Variants in L3MBTL4 observed in about 807,000 individuals in gnomAD.
L3MBTL4 encodes lethal(3)malignant brain tumor-like protein 4.
L3MBTL4 carries 70 observed loss-of-function variants against 84.5 expected under a neutral mutation model. The observed-to-expected ratio is 0.83, with a 90% CI of 0.68 to 1.01. The LOEUF is 1.01. Ranked by LOEUF, L3MBTL4 falls within the 50% of genes least tolerant of loss-of-function variation. L3MBTL4 has a pLI of 0.00. For missense variants in L3MBTL4, 715 were observed against 754.8 expected, an observed-to-expected ratio of 0.95 and a Z score of 0.62; for synonymous variants, 274 against 259.8, an observed-to-expected ratio of 1.05 and a Z score of -0.52.
At chr18:6,038,972 A>T in intron 16 of L3MBTL4, among the ~76,000 whole-genome samples, 1 of 151,886 alleles carries the variant, frequency 6.6e-6, no homozygotes, top group East Asian at 1.9e-4. Flanking sequence ...ATAAGAAAAG[A>T]CACCAGAGAG....
Position 6,090,682 on chromosome 18 carries a change from C to T in L3MBTL4, c.1373+2673G>A, listed in dbSNP as rs527964115. Reference sequence around the variant, plus strand: ...TCACTCTGTCACCTAAGCTAGAATGCAATGGTGTGATAGCTCACTGCAGCC... The same window carrying T: ...TCACTCTGTCACCTAAGCTAGAATGTAATGGTGTGATAGCTCACTGCAGCC... On this transcript the variant is annotated intron_variant, in intron 15 of 18. Coordinates refer to ENST00000317931, the MANE Select transcript of L3MBTL4 (RefSeq NM_001330559.2). 2.7e-5 allele frequency among the ~76,000 whole-genome samples: 4 copies of T among 149,754 alleles called. No homozygotes were observed. In the South Asian group the frequency reaches 8.4e-4, roughly 32 times the overall value.
chr18:6,152,590 A>C (rs1472929677), intron 13 of L3MBTL4, among the ~76,000 whole-genome samples: 2 of 152,060 alleles, frequency 1.3e-5, no homozygotes, highest in Admixed American at 6.6e-5. Context: ...TTAATTATTT[A>C]ATCAGATTTT....
intron 16 of L3MBTL4, among the ~76,000 whole-genome samples, chr18:5,970,023 G>T (rs2052561789): frequency 1.3e-5 from 2 of 152,184 alleles, no homozygotes; most frequent in Non-Finnish European, 2.9e-5. Flanking sequence ...AAGACAGAAT[G>T]AGCCTCAGTC....
At chr18:6,252,783 G>A (rs562333514) in intron 5 of L3MBTL4, among the ~76,000 whole-genome samples, 10 of 152,358 alleles carry the variant, frequency 6.6e-5, no homozygotes, top group African/African-American at 2.4e-4. Flanking sequence ...TAGCAGCGGT[G>A]TGGGAAACTG....
At chr18:6,185,634 G>A (rs1284785909) in intron 12 of L3MBTL4, among the ~76,000 whole-genome samples, 1 of 152,148 alleles carries the variant, frequency 6.6e-6, no homozygotes, top group Non-Finnish European at 1.5e-5. Context: ...AAGTCTGTAT[G>A]ATGTGCCTGC....
At chr18:6,286,314 A>G (rs1434095522) in intron 4 of L3MBTL4, among the ~76,000 whole-genome samples, 1 of 151,612 alleles carries the variant, frequency 6.6e-6, no homozygotes, top group Non-Finnish European at 1.5e-5. Context: ...AAATACAAGA[A>G]TTAGCTGGGC....
At chr18:6,329,217 G>A (rs1166469089) in intron 1 of L3MBTL4, among the ~76,000 whole-genome samples, 2 of 146,480 alleles carry the variant, frequency 1.4e-5, no homozygotes, top group African/African-American at 2.5e-5. Context: ...GCAGTGGTGC[G>A]ATCTCGGCTC....
intron 15 of L3MBTL4, among the ~76,000 whole-genome samples, chr18:6,083,038 C>A (rs771698338): frequency 6.6e-6 from 1 of 152,170 alleles, no homozygotes; most frequent in Non-Finnish European, 1.5e-5. Flanking sequence ...CAACCTGCCC[C>A]ATCTTGGGCA....
chr18:5,962,890 GGGATGTTTAACGGTATCCCT>G (rs919218926), intron 17 of L3MBTL4, among the ~76,000 whole-genome samples: 2 of 152,148 alleles, frequency 1.3e-5, no homozygotes, highest in African/African-American at 4.8e-5. Context: ...TGGGTGGGGT[GGGATGTTTAACGGTATCCCT>G]GCCCTCTACT....
intron 8 of L3MBTL4, among the ~76,000 whole-genome samples, chr18:6,241,073 G>A (rs1771393879): frequency 6.6e-6 from 1 of 152,016 alleles, no homozygotes; most frequent in African/African-American, 2.4e-5. Flanking sequence ...TCCCTGTAAG[G>A]GAAAACATTT....
At chr18:5,987,095 C>T (rs2053494280) in intron 16 of L3MBTL4, among the ~76,000 whole-genome samples, 1 of 152,198 alleles carries the variant, frequency 6.6e-6, no homozygotes, top group Non-Finnish European at 1.5e-5. Context: ...TCTGCCCCAG[C>T]CTCAGGCGAC....
At chr18:5,975,425 C>T (rs560161893) in intron 16 of L3MBTL4, among the ~76,000 whole-genome samples, 1 of 152,176 alleles carries the variant, frequency 6.6e-6, no homozygotes, top group African/African-American at 2.4e-5. Context: ...AGTCACCGAC[C>T]AAGTCCCATC....
At chr18:6,209,047 C>T (rs747903737) in intron 12 of L3MBTL4, among the ~76,000 whole-genome samples, 2 of 152,146 alleles carry the variant, frequency 1.3e-5, no homozygotes, top group African/African-American at 4.8e-5. Flanking sequence ...GTATGATCTC[C>T]AATTCCAATG....
At chr18:6,091,280 G>A (rs1418130444) in intron 15 of L3MBTL4, among the ~76,000 whole-genome samples, 1 of 152,184 alleles carries the variant, frequency 6.6e-6, no homozygotes, top group East Asian at 1.9e-4. Context: ...ATGCCATGGA[G>A]ATGAGGGTAG....
Position 6,281,475 on chromosome 18 carries a change from C to T in L3MBTL4, c.128-17437G>A, listed in dbSNP as rs551994623. Among the ~76,000 whole-genome samples the T allele has an allele frequency of 5.3e-5, 8 of 152,254 alleles. No homozygotes were observed. The South Asian group carries it at 1.7e-3, about 32-fold the overall frequency. The stretch of plus-strand genomic sequence containing the variant: ...CAGGGCTGAAATATATTTAACAAAT[C>T]AGGTAACCATTTTAAACATAAAAAG... On this transcript the variant is annotated intron_variant, in intron 4 of 18. Transcript: ENST00000317931.
At chr18:6,258,598 A>C (rs2048259070) in intron 5 of L3MBTL4, 1 of 152,348 alleles carries the variant, frequency 6.6e-6, no homozygotes, top group Admixed American at 6.5e-5. Context: ...GGGACAGAAA[A>C]GTCTGGAAAG....
At chr18:6,188,785 G>C (rs2044916256) in intron 12 of L3MBTL4, among the ~76,000 whole-genome samples, 1 of 152,248 alleles carries the variant, frequency 6.6e-6, no homozygotes, top group African/African-American at 2.4e-5. Flanking sequence ...GAGGCTGTGG[G>C]GAGGGCCTGG....
intron 9 of L3MBTL4, among the ~76,000 whole-genome samples, chr18:6,239,248 G>A (rs1462751272): frequency 6.6e-6 from 1 of 150,620 alleles, no homozygotes; most frequent in Non-Finnish European, 1.5e-5. Context: ...GGCTGAGGCA[G>A]GAGAATGGCG....
chr18:6,025,545 T>C (rs2055461471), intron 16 of L3MBTL4, among the ~76,000 whole-genome samples: 1 of 152,248 alleles, frequency 6.6e-6, no homozygotes, highest in Non-Finnish European at 1.5e-5. Flanking sequence ...TCCAGACCTT[T>C]ACTATGTGTA....
Sources: gnomAD v4.1 joint callset for allele counts (sites outside exome capture counted in the v4.1 genomes callset) on GRCh38, gnomAD v4.1.1 for gene constraint, MANE v1.5 for transcripts, NCBI Gene and HGNC (gene_info 2026-07-23, HGNC 2026-07-21) for gene names.